RPS6KA2: variants seen among roughly 807,000 people sequenced by gnomAD.
The protein encoded by RPS6KA2 is ribosomal protein S6 kinase A2.
In RPS6KA2, 42 loss-of-function variants were observed where a neutral mutation model predicts 91.8. The ratio of observed to expected loss-of-function variants is 0.46; its 90% CI spans 0.36 to 0.59. RPS6KA2 has a LOEUF of 0.59. Among genes scored for constraint, RPS6KA2 ranks in the 20% least tolerant of loss-of-function variants. RPS6KA2 has a pLI of 0.00. For synonymous variants in RPS6KA2, 414 were observed against 393.6 expected, an observed-to-expected ratio of 1.05 and a Z score of -0.61; for missense variants, 798 against 978.5, an observed-to-expected ratio of 0.82 and a Z score of 2.46.
chr6:166,701,726 T>C, intron 2 of RPS6KA2: 1 of 1,304,934 alleles, frequency 7.7e-7, no homozygotes, highest in South Asian at 1.2e-5. Context: ...GCGTTCAGAT[T>C]TAATCCAGGA....
rs374198186 is a variant in RPS6KA2 at position 166,494,395 on chromosome 6, C to T, written c.748-3654G>A. Reference sequence around the variant, plus strand: ...AGCAGAGCCTGAGCTCAGAACCATCCGTGTTTGCTATGGTGGCATAAGGAC... The same window carrying T: ...AGCAGAGCCTGAGCTCAGAACCATCTGTGTTTGCTATGGTGGCATAAGGAC... On this transcript the variant is annotated intron_variant, in intron 8 of 20. Coordinates refer to ENST00000265678, the MANE Select transcript of RPS6KA2 (RefSeq NM_021135.6). The surrounding 1 kb of genome is among the most constrained non-coding windows in gnomAD (Gnocchi z 5.1). 6.6e-6 allele frequency among the ~76,000 whole-genome samples: 1 copy of T among 152,186 alleles called. No individual in the cohort carries two copies. Among genetic ancestry groups the T allele is most frequent in the Admixed American group, 6.5e-5 (1 of 15,280 alleles).
intron 1 of RPS6KA2, among the ~76,000 whole-genome samples, chr6:166,620,141 AT>A (rs1786572305): frequency 6.6e-6 from 1 of 152,206 alleles, no homozygotes; most frequent in Non-Finnish European, 1.5e-5. Flanking sequence ...GAAAATTCAG[AT>A]TGTGAAACTA....
intron 2 of RPS6KA2, among the ~76,000 whole-genome samples, chr6:166,680,438 G>A (rs898277092): frequency 6.6e-6 from 1 of 152,198 alleles, no homozygotes; most frequent in Non-Finnish European, 1.5e-5. Context: ...AGACCTACCT[G>A]CTCTGGTCCC....
At position 166,749,679 on chromosome 6, in the gene RPS6KA2, CTCCTCGGTCCCCCATT is replaced by C. The variant is rs1184072561; in HGVS notation, c.123+108505_123+108520del. ...AGCCCCCACCTCCTCAGGCCCCCATCTCCTCGGTCCCCCATTTCCTCAGGCCCCCACCTCCTCAGGC... is the reference window on the plus strand; with the variant it reads ...AGCCCCCACCTCCTCAGGCCCCCATCTCCTCAGGCCCCCACCTCCTCAGGC... On this transcript the variant is annotated intron_variant, in intron 2 of 21. Transcript: ENST00000503859. Among the ~76,000 whole-genome samples the C allele has an allele frequency of 3.1e-4, 4 of 12,920 alleles. 1 individual carries two copies. Among genetic ancestry groups the C allele is most frequent in the African/African-American group, 2.4e-3 (4 of 1,656 alleles). The allele number at this position is 12,920 out of a possible 152,430, so 8.5% of individuals were successfully genotyped here. A position where few individuals can be genotyped will look rare whatever the true frequency, so the allele number is the denominator to read the frequency against.
chr6:166,605,076 G>C (rs1785897481), intron 1 of RPS6KA2, among the ~76,000 whole-genome samples: 1 of 152,162 alleles, frequency 6.6e-6, no homozygotes, highest in South Asian at 2.1e-4. Context: ...TCTTCACTGG[G>C]AATATCCCTC....
At chr6:166,781,862 C>T (rs1562435800) in intron 2 of RPS6KA2, among the ~76,000 whole-genome samples, 1 of 152,172 alleles carries the variant, frequency 6.6e-6, no homozygotes, top group East Asian at 1.9e-4. Context: ...CCACCAGTGT[C>T]GACATTCTGA....
intron 3 of RPS6KA2, among the ~76,000 whole-genome samples, chr6:166,522,800 T>C (rs566944536): frequency 8.5e-5 from 13 of 152,300 alleles, no homozygotes; most frequent in African/African-American, 2.9e-4. Flanking sequence ...GGGGGCAAAC[T>C]TTTTACAGTG....
At chr6:166,591,551 C>G (rs552756500) in intron 1 of RPS6KA2, among the ~76,000 whole-genome samples, 1 of 152,136 alleles carries the variant, frequency 6.6e-6, no homozygotes, top group Non-Finnish European at 1.5e-5. Flanking sequence ...CTAAAAAGGC[C>G]ACTGGAAAGC....
At chr6:166,595,199 A>C (rs952795439) in intron 1 of RPS6KA2, among the ~76,000 whole-genome samples, 1 of 152,050 alleles carries the variant, frequency 6.6e-6, no homozygotes, top group African/African-American at 2.4e-5. Context: ...TTACAGGCAC[A>C]TACCACCACG....
intron 11 of RPS6KA2, among the ~76,000 whole-genome samples, chr6:166,460,351 G>A (rs1253483224): frequency 6.6e-6 from 1 of 152,220 alleles, no homozygotes; most frequent in Non-Finnish European, 1.5e-5. Flanking sequence ...GGGCAACAAG[G>A]CATTCTGTTG....
At chr6:166,701,828 T>A in intron 2 of RPS6KA2, 4 of 902,376 alleles carry the variant, frequency 4.4e-6, no homozygotes, top group Non-Finnish European at 7.3e-6. Context: ...GGCACATGTC[T>A]CAACATTGCC....
intron 2 of RPS6KA2, among the ~76,000 whole-genome samples, chr6:166,730,503 A>T: frequency 6.6e-6 from 1 of 152,258 alleles, no homozygotes; most frequent in East Asian, 1.9e-4. Flanking sequence ...TGACACTGTC[A>T]TTCATAATTC....
intron 6 of RPS6KA2, among the ~76,000 whole-genome samples, chr6:166,501,959 G>T (rs147458567): frequency 3.3e-5 from 5 of 152,188 alleles, no homozygotes; most frequent in Admixed American, 1.3e-4. Flanking sequence ...AAATAAGCCC[G>T]TCCCCAAACG....
intron 10 of RPS6KA2, among the ~76,000 whole-genome samples, chr6:166,471,124 C>T (rs1347741660): frequency 6.6e-6 from 1 of 152,238 alleles, no homozygotes; most frequent in Non-Finnish European, 1.5e-5. Flanking sequence ...TCAGAGCCTC[C>T]TGTGCCATGT....
intron 2 of RPS6KA2, among the ~76,000 whole-genome samples, chr6:166,698,871 T>C (rs1583030086): frequency 6.6e-6 from 1 of 152,144 alleles, no homozygotes; most frequent in Non-Finnish European, 1.5e-5. Context: ...TTTTGTCAAT[T>C]AGAAGTGATT....
At chr6:166,819,330 C>T (rs1022729963) in intron 2 of RPS6KA2, among the ~76,000 whole-genome samples, 1 of 152,240 alleles carries the variant, frequency 6.6e-6, no homozygotes, top group Admixed American at 6.5e-5. Context: ...TAGCATTACA[C>T]ATAAATATAT....
At chr6:166,480,506 T>A (rs1583188696) in intron 10 of RPS6KA2, among the ~76,000 whole-genome samples, 1 of 100,780 alleles carries the variant, frequency 9.9e-6, no homozygotes. Flanking sequence ...TATATATATA[T>A]ATATATATAA....
chr6:166,412,999 G>A lies in RPS6KA2; in HGVS notation c.2077-112C>T. On this transcript the variant is annotated intron_variant, in intron 20 of 20. Transcript: ENST00000265678. The surrounding 1 kb of genome is among the most constrained non-coding windows in gnomAD (Gnocchi z 4.3). ...CCCCCAGGCAACGTGGGAGAAACCA[G>A]AGCTTCCCCAGGGTCCCTGGAGCAT... 1 of 1,191,190 alleles carries A rather than the reference G, an allele frequency of 8.4e-7. No individual in the cohort carries two copies. Among genetic ancestry groups the A allele is most frequent in the Non-Finnish European group, 1.1e-6 (1 of 880,248 alleles). The allele number at this position is 1,191,190 out of a possible 1,614,324, so 73.8% of individuals were successfully genotyped here. A position where few individuals can be genotyped will look rare whatever the true frequency, so the allele number is the denominator to read the frequency against.
In RPS6KA2 at chr6:166,529,297, C is replaced by T. The variant is rs187943221; in HGVS notation, c.298+1935G>A. 2.5e-3 allele frequency among the ~76,000 whole-genome samples: 383 copies of T among 152,302 alleles called. 1 individual carries two copies. The highest frequency in any genetic ancestry group is 8.9e-3 in the African/African-American group (371 of 41,558). ...GGACATGGATGAAGCTGGAAGCCAT[C>T]ATTCTGAGCAAACTATTGCAAGGAC... On this transcript the variant is annotated intron_variant, in intron 3 of 20. Coordinates refer to ENST00000265678, the MANE Select transcript of RPS6KA2 (RefSeq NM_021135.6).
Sources: gnomAD v4.1 joint callset for allele counts (sites outside exome capture counted in the v4.1 genomes callset) on GRCh38, gnomAD v4.1.1 for gene constraint, Gnocchi (gnomAD v3.1) non-coding constraint, MANE v1.5 for transcripts, NCBI Gene and HGNC (gene_info 2026-07-23, HGNC 2026-07-21) for gene names.